The following GFM1 variants were observed in gnomAD, a reference collection of about 807,000 sequenced individuals.
GFM1 encodes elongation factor G, mitochondrial.
Under a neutral mutation model 96.2 loss-of-function variants are expected in GFM1, and 62 were observed. The observed-to-expected ratio is 0.64, with a 90% CI of 0.53 to 0.80. GFM1 has a LOEUF of 0.80. Ranked by LOEUF, GFM1 falls within the 30% of genes least tolerant of loss-of-function variation. The pLI is 0.00. For missense variants in GFM1, 852 were observed against 916.6 expected (o/e 0.93, Z 0.91); for synonymous variants, 282 against 312.9 (o/e 0.90, Z 1.04).
At chr3:158,644,921 T>C (rs1465662402) in intron 1 of GFM1, 1 of 568,068 alleles carries the variant, frequency 1.8e-6, no homozygotes, top group African/African-American at 1.9e-5. Flanking sequence ...CCCTAGGGTT[T>C]AATCAACTAA....
intron 8 of GFM1, chr3:158,656,076 G>GAC (rs1183726932): frequency 1.9e-5 from 7 of 362,634 alleles, no homozygotes; most frequent in Non-Finnish European, 3.8e-5. Flanking sequence ...CCATCGAGGT[G>GAC]AAGTGTTATT....
rs983440227 is a variant in GFM1, at chr3:158,646,817, G to A, written c.442G>A (p.Val148Ile). 1 of 1,614,192 alleles carries A rather than the reference G, an allele frequency of 6.2e-7. No individual in the cohort carries two copies. The highest frequency in any genetic ancestry group is 8.5e-7 in the Non-Finnish European group (1 of 1,180,000). Reference sequence around the variant, plus strand: ...TGGTGCAGTCCTTGTTCTCTGTGCTGTTGGAGGGGTACAGTGCCAGACCAT... The same window carrying A: ...TGGTGCAGTCCTTGTTCTCTGTGCTATTGGAGGGGTACAGTGCCAGACCAT... ...LDGAVLVLCAVGGVQCQTMTV... is the reference protein window; with the variant it reads ...LDGAVLVLCAIGGVQCQTMTV... Residue 148 changes from valine to isoleucine, a missense_variant, in exon 4 of 18, where the codon GTT (valine) becomes ATT (isoleucine). Transcript: ENST00000486715.
intron 13 of GFM1, among the ~76,000 whole-genome samples, chr3:158,670,417 A>G (rs1037034405): frequency 6.6e-6 from 1 of 152,008 alleles, no homozygotes; most frequent in Non-Finnish European, 1.5e-5. Flanking sequence ...TCACTCATTT[A>G]TATTAGGCAT....
At chr3:158,661,964 T>C (rs1290945596) in intron 10 of GFM1, among the ~76,000 whole-genome samples, 1 of 152,244 alleles carries the variant, frequency 6.6e-6, no homozygotes, top group African/African-American at 2.4e-5. Flanking sequence ...GAATGTTTTC[T>C]AAGTATTATT....
In GFM1 at chr3:158,666,297, T is replaced by C. The variant is rs1723672043; in HGVS notation, c.1519-7T>C. On this transcript the variant is annotated splice_polypyrimidine_tract_variant and splice_region_variant and intron_variant, in intron 12 of 17. Transcript: ENST00000486715. ...AATTTAAATAATATTTTCCCCACTC[T>C]TTTTAGAGGCTGGAAAGAGAGTATG... 1 of 1,609,836 alleles carries C rather than the reference T, an allele frequency of 6.2e-7. No homozygotes were observed. Among genetic ancestry groups the C allele is most frequent in the Middle Eastern group, 1.7e-4 (1 of 6,050 alleles).
rs776052983 is a variant in GFM1, at chr3:158,665,433, A to G, written c.1477A>G (p.Ile493Val). 7 of 1,610,684 alleles carry G rather than the reference A, an allele frequency of 4.3e-6. No homozygotes were observed. The highest frequency in any genetic ancestry group is 2.2e-5 in the East Asian group (1 of 44,792). ...YFDTENKETV[I>V]SGMGELHLEI... ...TGACACTGAGAACAAAGAGACAGTT[A>G]TATCTGGAATGGGAGAATTACACCT... Residue 493 changes from isoleucine to valine, a missense_variant, in exon 12 of 18, where the codon ATA becomes GTA. Transcript: ENST00000486715.
intron 15 of GFM1, among the ~76,000 whole-genome samples, chr3:158,688,311 T>C (rs1050202587): frequency 3.9e-5 from 6 of 152,110 alleles, no homozygotes; most frequent in African/African-American, 1.4e-4. Flanking sequence ...TCTTATCTTA[T>C]GGTATAGGAT....
At chr3:158,662,406 G>A (rs1576750285) in intron 10 of GFM1, among the ~76,000 whole-genome samples, 2 of 152,310 alleles carry the variant, frequency 1.3e-5, no homozygotes, top group South Asian at 4.1e-4. Flanking sequence ...TTTTGGGAAG[G>A]AGGAACCTAT....
At chr3:158,683,910 A>G (rs1725614452) in intron 14 of GFM1, among the ~76,000 whole-genome samples, 1 of 152,258 alleles carries the variant, frequency 6.6e-6, no homozygotes, top group Admixed American at 6.5e-5. Flanking sequence ...CTTAAATAGT[A>G]AAGTTGTACT....
intron 13 of GFM1, chr3:158,669,448 C>T: frequency 6.2e-7 from 1 of 1,611,994 alleles, no homozygotes; most frequent in Non-Finnish European, 8.5e-7. Flanking sequence ...ATATTTTGTG[C>T]TTCTAGCGGT....
chr3:158,680,438 C>T (rs1725278200), intron 13 of GFM1, among the ~76,000 whole-genome samples: 3 of 152,330 alleles, frequency 2.0e-5, no homozygotes, highest in African/African-American at 7.2e-5. Context: ...CTTAGTTCTT[C>T]TACCTGTTCT....
Position 158,682,050 on chromosome 3 carries a change from A to T in GFM1, c.1657A>T (p.Ile553Leu). 1 of 1,613,766 alleles carries T rather than the reference A, an allele frequency of 6.2e-7. No individual in the cohort carries two copies. The highest frequency in any genetic ancestry group is 1.3e-5 in the African/African-American group (1 of 75,048). Residue 553 changes from isoleucine to leucine, a missense_variant, in exon 14 of 18, where the codon ATA (isoleucine) becomes TTA (leucine). Coordinates refer to ENST00000486715, the MANE Select transcript of GFM1 (RefSeq NM_024996.7). ...TGGTGCAGGCCAGTATGGAAAAGTA[A>T]TAGGTGTCCTGGAGCCTCTGGACCC... ...SGGAGQYGKVIGVLEPLDPED... is the reference protein window; with the variant it reads ...SGGAGQYGKVLGVLEPLDPED...
rs1328439560 is a variant in GFM1 at position 158,695,302 on chromosome 3, A to G, written c.*3835A>G. 1.3e-5 allele frequency: 2 copies of G among 152,362 alleles called. No homozygotes were observed. The highest frequency in any genetic ancestry group is 6.8e-3 in the Middle Eastern group (2 of 294). 9.4% of individuals were successfully genotyped at this position (152,362 alleles called of 1,614,324 possible). On this transcript the variant is annotated 3_prime_UTR_variant, in exon 18 of 18. Transcript: ENST00000486715. ...GGCAGGAGGGTCGCTTGAACCCGGAAGGCGGAGGCTATAGTGAGCTGAGAT... is the reference window on the plus strand; with the variant it reads ...GGCAGGAGGGTCGCTTGAACCCGGAGGGCGGAGGCTATAGTGAGCTGAGAT...
At chr3:158,673,513 T>TTTC (rs1553851115) in intron 13 of GFM1, among the ~76,000 whole-genome samples, 5 of 105,570 alleles carry the variant, frequency 4.7e-5, no homozygotes, top group African/African-American at 8.1e-5. Flanking sequence ...CTTTTCTTTT[T>TTTC]TTTTTTTTTT....
At chr3:158,686,509 T>A (rs1576793634) in intron 15 of GFM1, among the ~76,000 whole-genome samples, 1 of 149,596 alleles carries the variant, frequency 6.7e-6, no homozygotes, top group Non-Finnish European at 1.5e-5. Flanking sequence ...TGTTCTAGGG[T>A]TAGAGGAAAG....
chr3:158,648,859 A>T (rs968941085), intron 4 of GFM1, among the ~76,000 whole-genome samples, 182 bp from the exon 5 acceptor site: 1 of 151,892 alleles, frequency 6.6e-6, no homozygotes, highest in African/African-American at 2.4e-5. Flanking sequence ...TGGCTTCCTG[A>T]GCTCCTTGAG....
chr3:158,651,212 C>G lies in GFM1; in HGVS notation c.690-884C>G, dbSNP rs114529211. 3.2e-3 allele frequency among the ~76,000 whole-genome samples: 487 copies of G among 151,970 alleles called. 3 individuals are homozygous for G. The highest frequency in any genetic ancestry group is 0.011 in the African/African-American group (470 of 41,438). On this transcript the variant is annotated intron_variant, in intron 5 of 17. Coordinates refer to ENST00000486715, the MANE Select transcript of GFM1 (RefSeq NM_024996.7). ...CATATTTAGTCACCGTTTTTTTAAA[C>G]TACAAATTGGGATATTCTTTGTTAA...
At chr3:158,656,775 A>G (rs2055644435) in intron 8 of GFM1, 1 of 152,234 alleles carries the variant, frequency 6.6e-6, no homozygotes, top group South Asian at 2.1e-4. Flanking sequence ...TTGAGTTATA[A>G]CTATGACTTT....
intron 13 of GFM1, among the ~76,000 whole-genome samples, chr3:158,677,494 C>T (rs1462272324): frequency 2.0e-5 from 3 of 152,184 alleles, no homozygotes; most frequent in Non-Finnish European, 4.4e-5. Flanking sequence ...CACAGAACAA[C>T]AGATTTTCTT....
Sources: allele counts gnomAD v4.1 joint callset (sites outside exome capture counted in the v4.1 genomes callset), GRCh38; gene constraint gnomAD v4.1.1; transcripts MANE v1.5; gene names NCBI Gene and HGNC (gene_info 2026-07-23, HGNC 2026-07-21).